Variants in ST7 observed in about 807,000 individuals in gnomAD.
ST7 encodes the protein suppression of tumorigenicity 7.
In ST7, 28 loss-of-function variants were observed where a neutral mutation model predicts 78.7. The ratio of observed to expected loss-of-function variants is 0.36; its 90% CI spans 0.26 to 0.49. The LOEUF (loss-of-function observed/expected upper bound fraction) is 0.49. Ranked by LOEUF, ST7 falls within the 20% of genes least tolerant of loss-of-function variation. ST7 has a pLI of 0.99. For synonymous variants in ST7, 247 were observed against 249.6 expected, an observed-to-expected ratio of 0.99 and a Z score of 0.10; for missense variants, 418 against 696.0, an observed-to-expected ratio of 0.60 and a Z score of 4.49.
chr7:117,008,504 A>G (rs1276369328), intron 1 of ST7, among the ~76,000 whole-genome samples: 3 of 152,194 alleles, frequency 2.0e-5, no homozygotes, highest in African/African-American at 7.2e-5. Flanking sequence ...ATTTTTATAT[A>G]ATCTTCAAGG....
chr7:117,054,245 TA>T (rs1797946309), intron 1 of ST7, among the ~76,000 whole-genome samples: 1 of 152,194 alleles, frequency 6.6e-6, no homozygotes, highest in African/African-American at 2.4e-5. Flanking sequence ...CTGCTTTTGT[TA>T]AAACTGTAAA....
At chr7:117,215,601 G>A (rs569602693) in intron 13 of ST7, among the ~76,000 whole-genome samples, 1 of 152,292 alleles carries the variant, frequency 6.6e-6, no homozygotes, top group Non-Finnish European at 1.5e-5. Flanking sequence ...ACAGATTAAC[G>A]ACCCACGCAA....
intron 1 of ST7, among the ~76,000 whole-genome samples, chr7:117,077,203 T>C (rs574549706): frequency 4.7e-4 from 71 of 152,190 alleles, no homozygotes; most frequent in African/African-American, 1.5e-3. Flanking sequence ...GCTGCCTGAG[T>C]CTAGGGTTTT....
At chr7:117,222,817 A>AG (rs776811157) in intron 15 of ST7, 2 of 1,444,864 alleles carry the variant, frequency 1.4e-6, no homozygotes, top group South Asian at 2.3e-5. Context: ...GCAATCAGAA[A>AG]GGATGATTTC....
rs1431767143 is a variant in ST7, at chr7:117,178,892, A to G, written c.1078+7916A>G. On this transcript the variant is annotated intron_variant, in intron 10 of 15. Transcript: ENST00000323984. ...ACCACTTATGACTTTTGAAAATTCA[A>G]GAGTCATTCTCCCTAAGATGACCTT... Among the ~76,000 whole-genome samples, 3 of 152,228 alleles carry G rather than the reference A, an allele frequency of 2.0e-5. No individual in the cohort carries two copies. In the East Asian group the frequency reaches 5.8e-4, roughly 29 times the overall value.
chr7:117,009,449 C>G (rs1795298016), intron 1 of ST7, among the ~76,000 whole-genome samples: 1 of 151,928 alleles, frequency 6.6e-6, no homozygotes, highest in Non-Finnish European at 1.5e-5. Context: ...GCTTGGGTAC[C>G]TCCCTGTTTG....
intron 2 of ST7, among the ~76,000 whole-genome samples, chr7:117,100,934 A>G (rs1219978283): frequency 6.6e-6 from 1 of 152,200 alleles, no homozygotes; most frequent in African/African-American, 2.4e-5. Flanking sequence ...TGATGTTAAG[A>G]GAAGTGGATG....
chr7:116,957,085 A>G (rs556093341), intron 1 of ST7: 20 of 163,944 alleles, frequency 1.2e-4, no homozygotes, highest in Admixed American at 1.1e-3. Flanking sequence ...TAGCTCTTAC[A>G]TCGTGTAGTT....
At chr7:116,955,479 A>G (rs1792417081) in intron 1 of ST7, among the ~76,000 whole-genome samples, 1 of 152,196 alleles carries the variant, frequency 6.6e-6, no homozygotes. Flanking sequence ...TACTCCCTCA[A>G]TAACAAAATT....
intron 1 of ST7, among the ~76,000 whole-genome samples, chr7:116,990,130 G>T (rs1168765811): frequency 6.6e-6 from 1 of 152,084 alleles, no homozygotes; most frequent in African/African-American, 2.4e-5. Flanking sequence ...TAGAGATGGG[G>T]TTTCACCATG....
intron 1 of ST7, among the ~76,000 whole-genome samples, chr7:117,006,754 C>T (rs1444588391): frequency 2.0e-5 from 3 of 152,162 alleles, no homozygotes; most frequent in African/African-American, 7.2e-5. Context: ...TGCCATTTTT[C>T]CAATGGCACA....
chr7:117,189,683 C>A (rs2117388033), intron 11 of ST7, among the ~76,000 whole-genome samples: 1 of 146,620 alleles, frequency 6.8e-6, no homozygotes, highest in East Asian at 2.0e-4. Flanking sequence ...CTGCTTGGGA[C>A]TTAACACAGA....
chr7:117,052,873 G>A (rs1797858836), intron 1 of ST7, among the ~76,000 whole-genome samples: 1 of 152,160 alleles, frequency 6.6e-6, no homozygotes, highest in Admixed American at 6.5e-5. Flanking sequence ...CAGCCTGGGC[G>A]ACACAGCAAG....
At chr7:117,140,408 G>C (rs1805180375) in intron 9 of ST7, among the ~76,000 whole-genome samples, 1 of 151,874 alleles carries the variant, frequency 6.6e-6, no homozygotes, top group Non-Finnish European at 1.5e-5. Flanking sequence ...TGTAAATTGG[G>C]GATAATGATT....
At chr7:117,010,095 C>G (rs900485306) in intron 1 of ST7, among the ~76,000 whole-genome samples, 2 of 152,206 alleles carry the variant, frequency 1.3e-5, no homozygotes, top group Non-Finnish European at 2.9e-5. Flanking sequence ...TGATTGTTAT[C>G]TGTGAAAGTA....
In ST7 at chr7:116,981,000, C is replaced by T. The variant is rs566540910; in HGVS notation, c.151+27309C>T. ...GTCTCTCCAGACTCCTTTTTTTCTG[C>T]AAAAGTTCCTCAATTTTTCCTTAAC... is the stretch of plus-strand genomic sequence containing the variant. On this transcript the variant is annotated intron_variant, in intron 1 of 15. Transcript: ENST00000323984. 2.6e-5 allele frequency among the ~76,000 whole-genome samples: 4 copies of T among 152,252 alleles called. No individual in the cohort carries two copies. In the South Asian group the frequency reaches 6.2e-4, roughly 24 times the overall value.
chr7:116,960,729 G>A (rs1255891668), intron 1 of ST7, among the ~76,000 whole-genome samples: 1 of 152,088 alleles, frequency 6.6e-6, no homozygotes, highest in Admixed American at 6.6e-5. Context: ...TTAGATCTTT[G>A]TCAGATGCAA....
At chr7:117,071,565 G>A (rs1440864484) in intron 1 of ST7, among the ~76,000 whole-genome samples, 1 of 152,144 alleles carries the variant, frequency 6.6e-6, no homozygotes, top group African/African-American at 2.4e-5. Context: ...TAAGATATTT[G>A]ATAAATATTA....
intron 15 of ST7, chr7:117,223,737 A>T (rs955295827): frequency 6.5e-6 from 1 of 153,440 alleles, no homozygotes; most frequent in Non-Finnish European, 1.4e-5. Context: ...ATGAATACGT[A>T]TATTCTCACA....
Sources: allele counts gnomAD v4.1 joint callset (sites outside exome capture counted in the v4.1 genomes callset), GRCh38; gene constraint gnomAD v4.1.1; transcripts MANE v1.5; gene names NCBI Gene and HGNC (gene_info 2026-07-23, HGNC 2026-07-21).